LRP11: variants seen among roughly 807,000 people sequenced by gnomAD.
LRP11 encodes LDL receptor related protein 11.
LRP11 carries 25 observed loss-of-function variants against 43.1 expected under a neutral mutation model. The observed-to-expected ratio is 0.58, with a 90% confidence interval of 0.42 to 0.81. LRP11 has a LOEUF of 0.81. Among genes scored for constraint, LRP11 ranks in the 30% least tolerant of loss-of-function variants. The probability of loss-of-function intolerance (pLI) is 0.00; values close to 1 mark genes in which losing one functional copy is unlikely to be tolerated. For missense variants in LRP11, 623 were observed against 665.1 expected, an observed-to-expected ratio of 0.94 and a Z score of 0.70; for synonymous variants, 316 against 299.4, an observed-to-expected ratio of 1.06 and a Z score of -0.57.
At chr6:149,829,433 C>T (rs1173289001) in intron 5 of LRP11, among the ~76,000 whole-genome samples, 1 of 151,918 alleles carries the variant, frequency 6.6e-6, no homozygotes, top group Non-Finnish European at 1.5e-5. Context: ...TGACGGCACA[C>T]GCTTGTGATC....
chr6:149,860,396 C>T (rs538349298), intron 1 of LRP11, among the ~76,000 whole-genome samples: 3 of 152,176 alleles, frequency 2.0e-5, no homozygotes, highest in African/African-American at 4.8e-5. Context: ...TAGCTTCTAC[C>T]TCTCCTCCCT....
rs893258078 is a variant in LRP11, at chr6:149,819,671, TGTC to T, written c.*875_*877del. On this transcript the variant is annotated 3_prime_UTR_variant, in exon 7 of 7. Transcript: ENST00000239367. ...ATCCACTCAACGTCCTCTCTTCAAT[TGTC>T]GTTTTTCATCAACAAAGCCTATATA... The T allele has an allele frequency of 7.3e-5, 11 of 150,212 alleles. No homozygotes were observed. Among genetic ancestry groups the T allele is most frequent in the Admixed American group, 5.9e-4 (9 of 15,262 alleles). The allele number at this position is 150,212 out of a possible 1,614,324, so 9.3% of individuals were successfully genotyped here.
intron 6 of LRP11, among the ~76,000 whole-genome samples, chr6:149,825,504 A>C (rs1046524406): frequency 1.3e-5 from 2 of 152,176 alleles, no homozygotes; most frequent in East Asian, 3.9e-4. Flanking sequence ...CACACAGTGC[A>C]TTCAATGCTT....
At chr6:149,859,396 ATTTTT>A (rs1163759560) in intron 1 of LRP11, among the ~76,000 whole-genome samples, 2 of 71,500 alleles carry the variant, frequency 2.8e-5, no homozygotes, top group Non-Finnish European at 2.3e-5. Context: ...ATATATATAT[ATTTTT>A]TTTTTTTTTT....
intron 1 of LRP11, among the ~76,000 whole-genome samples, chr6:149,862,300 G>C (rs1348402758): frequency 6.6e-6 from 1 of 152,206 alleles, no homozygotes; most frequent in Non-Finnish European, 1.5e-5. Flanking sequence ...CACTTCCAAA[G>C]GGGCTGAGCT....
At chr6:149,854,554 A>C (rs17078924) in intron 1 of LRP11, among the ~76,000 whole-genome samples, 6,791 of 152,294 alleles carry the variant, frequency 0.045, 482 homozygotes, top group African/African-American at 0.15. Flanking sequence ...TAGTTACCAA[A>C]ATTTTAATTG....
chr6:149,820,714 G>T lies in LRP11; in HGVS notation c.1349-11C>A, dbSNP rs1235974390. The T allele has an allele frequency of 2.6e-6, 2 of 780,674 alleles. No homozygotes were observed. Among genetic ancestry groups the T allele is most frequent in the African/African-American group, 3.4e-5 (2 of 59,254 alleles). The allele number at this position is 780,674 out of a possible 1,614,324, so 48.4% of individuals were successfully genotyped here. A position where few individuals can be genotyped will look rare whatever the true frequency, so the allele number is the denominator to read the frequency against. On this transcript the variant is annotated splice_polypyrimidine_tract_variant and intron_variant, in intron 6 of 6. Transcript: ENST00000239367. ...GGGGTAGCACTGCACCTTTGAGAAG[G>T]TTAGACATGAAGAGGGCAAGCCAGT... is the stretch of plus-strand genomic sequence containing the variant.
intron 1 of LRP11, among the ~76,000 whole-genome samples, chr6:149,861,503 A>G (rs1776894051): frequency 1.3e-5 from 2 of 152,196 alleles, no homozygotes; most frequent in Admixed American, 1.3e-4. Flanking sequence ...AACTTCTCAT[A>G]GTAACCTGAA....
chr6:149,863,216 GCGCC>G lies in LRP11; in HGVS notation c.613+188_613+191del, dbSNP rs1461256154. On this transcript the variant is annotated intron_variant, in intron 1 of 6. Transcript: ENST00000239367. ...AGAAAAATTCCAGTAGCACGTCACC[GCGCC>G]CGCCCGCCCGCTTCTGCCAAACTAC... 5.3e-5 allele frequency among the ~76,000 whole-genome samples: 8 copies of G among 152,136 alleles called. No individual in the cohort carries two copies. In the South Asian group the frequency reaches 1.0e-3, roughly 20 times the overall value.
chr6:149,830,129 G>C (rs1301812464), intron 5 of LRP11, among the ~76,000 whole-genome samples: 1 of 150,666 alleles, frequency 6.6e-6, no homozygotes, highest in Non-Finnish European at 1.5e-5. Context: ...TCCTGCCTCA[G>C]CCTCCCGAGA....
chr6:149,851,509 T>C (rs1405871863), intron 2 of LRP11, among the ~76,000 whole-genome samples: 1 of 152,200 alleles, frequency 6.6e-6, no homozygotes, highest in Non-Finnish European at 1.5e-5. Context: ...TTTCTTTCTT[T>C]CTTTCTTTTT....
At chr6:149,861,911 G>T (rs190700667) in intron 1 of LRP11, among the ~76,000 whole-genome samples, 97 of 152,296 alleles carry the variant, frequency 6.4e-4, no homozygotes, top group African/African-American at 2.2e-3. Context: ...GGGTTTATAG[G>T]AAAGCTCACT....
In LRP11 at chr6:149,820,392, GA is replaced by G. The variant is rs200984876; in HGVS notation, c.*156del. ...TTCAAAATATTTTATGACTTCTAAG[GA>G]AACTTTTTTTACAATAAATAATAAA... On this transcript the variant is annotated 3_prime_UTR_variant, in exon 7 of 7. Transcript: ENST00000239367. 3 of 389,790 alleles carry G rather than the reference GA, an allele frequency of 7.7e-6. No homozygotes were observed. The highest frequency in any genetic ancestry group is 8.5e-6 in the Non-Finnish European group (2 of 236,196). 24.1% of individuals were successfully genotyped at this position (389,790 alleles called of 1,614,324 possible).
chr6:149,820,928 C>CTTTTTTTTTTTTTTTTTTTT (rs11399122), intron 6 of LRP11, among the ~76,000 whole-genome samples: 1 of 116,494 alleles, frequency 8.6e-6, no homozygotes, highest in African/African-American at 3.7e-5. Flanking sequence ...CAAACCTAGA[C>CTTTTTTTTTTTTTTTTTTTT]TTTTTTTTTT....
chr6:149,854,972 C>A (rs552414943), intron 1 of LRP11, among the ~76,000 whole-genome samples: 1 of 152,186 alleles, frequency 6.6e-6, no homozygotes, highest in Non-Finnish European at 1.5e-5. Flanking sequence ...GCTAATCTGA[C>A]GGGGTCATTC....
intron 1 of LRP11, among the ~76,000 whole-genome samples, chr6:149,861,493 A>C (rs1537590): frequency 0.14 from 21,912 of 152,116 alleles, 2,182 homozygotes; most frequent in East Asian, 0.47. Flanking sequence ...ACAACCCAGA[A>C]ACTTCTCATA....
At chr6:149,826,156 ACTC>A (rs1411059309) in intron 6 of LRP11, 105 bp downstream of exon 6, 1 of 842,454 alleles carries the variant, frequency 1.2e-6, no homozygotes, top group Non-Finnish European at 2.1e-6. Context: ...CCACTGACGG[ACTC>A]CTCCTGTCCT....
intron 6 of LRP11, among the ~76,000 whole-genome samples, chr6:149,821,861 C>T (rs542556958): frequency 7.2e-5 from 11 of 152,302 alleles, no homozygotes; most frequent in African/African-American, 2.6e-4. Context: ...TCATTAAAAG[C>T]CTTCTTCCAT....
At chr6:149,835,667 T>C (rs556583356) in intron 5 of LRP11, among the ~76,000 whole-genome samples, 1 of 152,284 alleles carries the variant, frequency 6.6e-6, no homozygotes, top group African/African-American at 2.4e-5. Context: ...TTTAGTTAAA[T>C]TGGAGGCATA....
Sources: gnomAD v4.1 joint callset for allele counts (sites outside exome capture counted in the v4.1 genomes callset) on GRCh38, gnomAD v4.1.1 for gene constraint, MANE v1.5 for transcripts, NCBI Gene and HGNC (gene_info 2026-07-23, HGNC 2026-07-21) for gene names.